DLG2: variants seen among roughly 807,000 people sequenced by gnomAD.
The protein encoded by DLG2 is discs large MAGUK scaffold protein 2.
In DLG2, 45 loss-of-function variants were observed where a neutral mutation model predicts 132.5. The observed-to-expected ratio is 0.34, with a 90% confidence interval of 0.27 to 0.44. DLG2 has a LOEUF of 0.44. Among genes scored for constraint, DLG2 ranks in the 20% least tolerant of loss-of-function variants. DLG2 has a pLI of 1.00. For synonymous variants in DLG2, 424 were observed against 419.6 expected (o/e 1.01, Z -0.13); for missense variants, 1,045 against 1,196.9 (o/e 0.87, Z 1.87).
chr11:84,472,135 A>G lies in DLG2; in HGVS notation c.519+62435T>C, dbSNP rs186930204. Among the ~76,000 whole-genome samples, 248 of 152,026 alleles carry G rather than the reference A, an allele frequency of 1.6e-3. 2 individuals carry two copies. The highest frequency in any genetic ancestry group is 5.8e-3 in the African/African-American group (241 of 41,532). ...ATATTTAGAATAAGCTATCTTTCCT[A>G]AAATGATTAGTTCGTATTGCTATCT... On this transcript the variant is annotated intron_variant, in intron 7 of 27. Coordinates refer to ENST00000376104, the MANE Select transcript of DLG2 (RefSeq NM_001142699.3).
chr11:84,974,030 A>C (rs571349179), intron 6 of DLG2, among the ~76,000 whole-genome samples: 2 of 152,324 alleles, frequency 1.3e-5, no homozygotes, highest in East Asian at 3.9e-4. Context: ...AGTCCCATTT[A>C]TCATCTGCAT....
chr11:83,928,710 T>C (rs919979534), intron 15 of DLG2, among the ~76,000 whole-genome samples: 10 of 152,268 alleles, frequency 6.6e-5, no homozygotes, highest in African/African-American at 2.2e-4. Flanking sequence ...GTCAGGCAAC[T>C]TATCAAGTCT....
intron 9 of DLG2, among the ~76,000 whole-genome samples, chr11:84,160,441 G>A (rs1488263723): frequency 6.6e-6 from 1 of 152,104 alleles, no homozygotes; most frequent in Non-Finnish European, 1.5e-5. Flanking sequence ...TAATGACTTT[G>A]ATATAAATGG....
intron 14 of DLG2, among the ~76,000 whole-genome samples, chr11:83,961,043 T>G (rs2088585245): frequency 6.6e-6 from 1 of 152,114 alleles, no homozygotes; most frequent in Non-Finnish European, 1.5e-5. Context: ...AAATATTTCA[T>G]GTGACATCTG....
intron 17 of DLG2, among the ~76,000 whole-genome samples, chr11:83,795,423 A>G (rs117063766): frequency 0.037 from 4,181 of 113,614 alleles, 85 homozygotes; most frequent in Middle Eastern, 0.13. Context: ...AAAAATATCT[A>G]TATCTATATC....
At chr11:84,642,085 T>C (rs2099667628) in intron 6 of DLG2, among the ~76,000 whole-genome samples, 1 of 139,652 alleles carries the variant, frequency 7.2e-6, no homozygotes, top group South Asian at 2.4e-4. Context: ...TGTGTGTGTA[T>C]ATGTAGAGTG....
intron 7 of DLG2, among the ~76,000 whole-genome samples, chr11:84,298,949 G>T (rs998546431): frequency 6.6e-6 from 1 of 152,182 alleles, no homozygotes; most frequent in African/African-American, 2.4e-5. Flanking sequence ...CTTTGCTAGG[G>T]AATCCAGTTT....
chr11:84,316,731 G>A, intron 7 of DLG2: 1 of 1,327,300 alleles, frequency 7.5e-7, no homozygotes, highest in Non-Finnish European at 1.0e-6. Context: ...CATACCCGTG[G>A]TACTCTGCAA....
At chr11:85,517,090 G>T (rs1351823598) in intron 3 of DLG2, among the ~76,000 whole-genome samples, 1 of 151,918 alleles carries the variant, frequency 6.6e-6, no homozygotes, top group Non-Finnish European at 1.5e-5. Context: ...ATCAAGTAGG[G>T]TTTATTCCAG....
At chr11:83,970,529 C>T (rs1222250610) in intron 12 of DLG2, among the ~76,000 whole-genome samples, 1 of 152,158 alleles carries the variant, frequency 6.6e-6, no homozygotes, top group African/African-American at 2.4e-5. Flanking sequence ...ATGATACTGG[C>T]AACAGAATGT....
intron 6 of DLG2, among the ~76,000 whole-genome samples, chr11:84,847,108 C>A (rs111301121): frequency 2.0e-5 from 3 of 152,172 alleles, no homozygotes; most frequent in African/African-American, 4.8e-5. Context: ...GTCATTATAT[C>A]CACATAGCAA....
At chr11:85,312,653 C>T (rs1165433239) in intron 3 of DLG2, among the ~76,000 whole-genome samples, 1 of 151,808 alleles carries the variant, frequency 6.6e-6, no homozygotes, top group African/African-American at 2.4e-5. Flanking sequence ...GCAGATTTGT[C>T]TCCATTTACC....
chr11:84,433,915 G>A lies in DLG2; in HGVS notation c.519+100655C>T, dbSNP rs189376346. On this transcript the variant is annotated intron_variant, in intron 7 of 27. Transcript: ENST00000376104. ...GCAGATCACTTGAGCTCAGGAGTTC[G>A]AGACCACTTTGGGGAACATGGGGAA... Among the ~76,000 whole-genome samples the A allele has an allele frequency of 6.6e-5, 10 of 152,108 alleles. No individual in the cohort carries two copies. The East Asian group carries it at 1.9e-3, about 29-fold the overall frequency.
At chr11:85,093,342 C>T (rs1031243925) in intron 6 of DLG2, among the ~76,000 whole-genome samples, 1 of 151,908 alleles carries the variant, frequency 6.6e-6, no homozygotes, top group South Asian at 2.1e-4. Context: ...TGCATTTTCA[C>T]TTCTATAATC....
chr11:84,545,853 T>TG (rs1262581151), intron 6 of DLG2: 1 of 158,540 alleles, frequency 6.3e-6, no homozygotes, highest in Non-Finnish European at 1.4e-5. Context: ...CCTCCTGAGT[T>TG]TAAGTGATTC....
intron 6 of DLG2, among the ~76,000 whole-genome samples, chr11:85,012,851 C>A (rs1484011710): frequency 2.0e-5 from 3 of 152,102 alleles, no homozygotes; most frequent in Non-Finnish European, 2.9e-5. Context: ...TGAATTCCAG[C>A]ACTGACACTT....
chr11:83,927,912 T>C (rs1314853717), intron 15 of DLG2, among the ~76,000 whole-genome samples: 2 of 144,062 alleles, frequency 1.4e-5, no homozygotes, highest in Admixed American at 6.8e-5. Flanking sequence ...AGGGAAAACA[T>C]AGTAAGGATG....
At chr11:85,494,973 T>G (rs1483447339) in intron 3 of DLG2, among the ~76,000 whole-genome samples, 1 of 152,014 alleles carries the variant, frequency 6.6e-6, no homozygotes. Flanking sequence ...ATTCATGGAT[T>G]TTATAACAAA....
intron 6 of DLG2, among the ~76,000 whole-genome samples, chr11:84,641,249 A>G (rs2099663256): frequency 6.6e-6 from 1 of 152,340 alleles, no homozygotes; most frequent in Middle Eastern, 3.4e-3. Flanking sequence ...TTCACTATAT[A>G]TAAAGTGAAG....
Sources: gnomAD v4.1 joint callset for allele counts (sites outside exome capture counted in the v4.1 genomes callset) on GRCh38, gnomAD v4.1.1 for gene constraint, MANE v1.5 for transcripts, NCBI Gene and HGNC (gene_info 2026-07-23, HGNC 2026-07-21) for gene names.